NDST4: variants seen among roughly 807,000 people sequenced by gnomAD.
NDST4 encodes N-heparan sulfate sulfotransferase 4.
In NDST4, 63 loss-of-function variants were observed where a neutral mutation model predicts 100.8. That is an observed-to-expected ratio of 0.62 (90% confidence interval 0.51 to 0.77). The LOEUF is 0.77. Ranked by LOEUF, NDST4 falls within the 30% of genes least tolerant of loss-of-function variation. The pLI is 0.00. For synonymous variants in NDST4, 377 were observed against 361.8 expected (o/e 1.04, Z -0.48); for missense variants, 943 against 1,018.4 (o/e 0.93, Z 1.01).
In NDST4 at chr4:115,043,319, G is replaced by T. The variant is rs531862638; in HGVS notation, c.978+32740C>A. On this transcript the variant is annotated intron_variant, in intron 2 of 13. Transcript: ENST00000264363. ...ATAAGCTAAGGTATCCAAGTTTGGA[G>T]GATGATGTACATTTTAAGTTATCAC... 1.8e-4 allele frequency among the ~76,000 whole-genome samples: 28 copies of T among 152,142 alleles called. No homozygotes were observed. In the South Asian group the frequency reaches 5.2e-3, roughly 28 times the overall value.
chr4:115,101,813 T>C (rs1329300163), intron 1 of NDST4, among the ~76,000 whole-genome samples: 3 of 152,098 alleles, frequency 2.0e-5, no homozygotes, highest in Non-Finnish European at 4.4e-5. Flanking sequence ...GAATATATGC[T>C]TATTAGCAGG....
At chr4:115,035,919 C>G (rs566848805) in intron 2 of NDST4, among the ~76,000 whole-genome samples, 35 of 151,836 alleles carry the variant, frequency 2.3e-4, no homozygotes, top group Non-Finnish European at 4.9e-4. Flanking sequence ...AATGTCATTA[C>G]CAGTAAAAAT....
At chr4:114,908,726 C>G (rs1725003535) in intron 6 of NDST4, among the ~76,000 whole-genome samples, 1 of 152,152 alleles carries the variant, frequency 6.6e-6, no homozygotes, top group Non-Finnish European at 1.5e-5. Flanking sequence ...AACGTGTTAG[C>G]ACACATATAT....
Position 114,954,755 on chromosome 4 carries a change from G to A in NDST4, c.1221+15675C>T, listed in dbSNP as rs368085617. Among the ~76,000 whole-genome samples, 41 of 152,250 alleles carry A rather than the reference G, an allele frequency of 2.7e-4. No homozygotes were observed. In the South Asian group the frequency reaches 7.9e-3, roughly 29 times the overall value. On this transcript the variant is annotated intron_variant, in intron 4 of 13. Transcript: ENST00000264363. ...TGCATGTTGAATTGTAATCTCCAGC[G>A]TTGGAGATGAAGCCTGGTAGGAGGT...
At chr4:115,086,563 C>T (rs534620144) in intron 1 of NDST4, among the ~76,000 whole-genome samples, 45 of 152,020 alleles carry the variant, frequency 3.0e-4, no homozygotes, top group African/African-American at 1.1e-3. Flanking sequence ...ACATTACTAC[C>T]ATAATATTAT....
At position 115,076,900 on chromosome 4, in the gene NDST4, G is replaced by C; in HGVS notation, c.137C>G (p.Thr46Ser). The C allele has an allele frequency of 6.2e-7, 1 of 1,613,732 alleles. No individual in the cohort carries two copies. The highest frequency in any genetic ancestry group is 8.5e-7 in the Non-Finnish European group (1 of 1,179,848). Residue 46 changes from threonine (T) to serine (S), a missense_variant, in exon 2 of 14, where the codon ACC (threonine) becomes AGC (serine). Physicochemically the swap from Thr to Ser is moderately conservative, Grantham distance 58. Transcript: ENST00000264363. ...GTCAGTGCATTCTGCTTCTGCAGTG[G>C]TTTCAATAAGTGTCATTTCCTGTTT... ...GYKQEMTLIE[T>S]TAEAECTDIK...
At chr4:114,913,829 T>C (rs948402951) in intron 6 of NDST4, among the ~76,000 whole-genome samples, 10 of 151,886 alleles carry the variant, frequency 6.6e-5, no homozygotes, top group Non-Finnish European at 1.0e-4. Flanking sequence ...GGAATGCATT[T>C]AATTTATATA....
chr4:115,064,332 C>T (rs1728886724), intron 2 of NDST4, among the ~76,000 whole-genome samples: 1 of 151,948 alleles, frequency 6.6e-6, no homozygotes. Flanking sequence ...TTCAATCGAT[C>T]ATAATTTCTA....
chr4:114,870,082 G>C (rs1157066665), intron 7 of NDST4, among the ~76,000 whole-genome samples: 2 of 152,076 alleles, frequency 1.3e-5, no homozygotes, highest in Non-Finnish European at 2.9e-5. Flanking sequence ...GTAATCTGAT[G>C]CATAAAGAGG....
intron 1 of NDST4, among the ~76,000 whole-genome samples, chr4:115,104,266 A>G (rs1209131871): frequency 1.3e-5 from 2 of 152,138 alleles, no homozygotes; most frequent in Non-Finnish European, 2.9e-5. Flanking sequence ...AGTAATTTAA[A>G]GTAGCTTATT....
At chr4:115,097,293 C>A (rs182582167) in intron 1 of NDST4, among the ~76,000 whole-genome samples, 3 of 152,158 alleles carry the variant, frequency 2.0e-5, no homozygotes, top group Admixed American at 2.0e-4. Context: ...ACTTGGAAAT[C>A]TAATGGGCAT....
intron 2 of NDST4, among the ~76,000 whole-genome samples, chr4:114,986,832 A>ATATATATATATAT: frequency 1.1e-5 from 1 of 94,664 alleles, no homozygotes; most frequent in Non-Finnish European, 2.2e-5. Flanking sequence ...ATATATATAT[A>ATATATATATATAT]TTTTAATATA....
intron 2 of NDST4, among the ~76,000 whole-genome samples, chr4:114,991,254 G>C (rs1048091366): frequency 6.6e-6 from 1 of 151,996 alleles, no homozygotes; most frequent in Non-Finnish European, 1.5e-5. Flanking sequence ...ATGTGCCTAA[G>C]ACTTTGTAAA....
chr4:114,834,535 A>AT (rs1355536952), intron 11 of NDST4, among the ~76,000 whole-genome samples: 1 of 146,618 alleles, frequency 6.8e-6, no homozygotes, highest in Non-Finnish European at 1.5e-5. Context: ...AAAAAAAAAA[A>AT]GGAATACTGG....
chr4:115,008,991 C>A (rs1727481993), intron 2 of NDST4, among the ~76,000 whole-genome samples: 1 of 126,562 alleles, frequency 7.9e-6, no homozygotes, highest in African/African-American at 3.0e-5. Flanking sequence ...CATGAAGGAC[C>A]TCTTCAAGGA....
chr4:114,895,172 C>T (rs2126207669), intron 6 of NDST4, among the ~76,000 whole-genome samples: 1 of 151,772 alleles, frequency 6.6e-6, no homozygotes, highest in East Asian at 1.9e-4. Context: ...CTTGAAAAAC[C>T]ATCCAAGAAA....
At chr4:114,828,171 G>C (rs975629530) in intron 13 of NDST4, among the ~76,000 whole-genome samples, 2 of 151,862 alleles carry the variant, frequency 1.3e-5, no homozygotes, top group African/African-American at 4.8e-5. Context: ...CTGTCATTAC[G>C]GCACATATTT....
chr4:114,898,186 G>A (rs1224348527), intron 6 of NDST4, among the ~76,000 whole-genome samples: 1 of 151,976 alleles, frequency 6.6e-6, no homozygotes, highest in Non-Finnish European at 1.5e-5. Flanking sequence ...TATAGTTTTA[G>A]GTCTTAAATT....
At chr4:114,889,894 G>A (rs982659208) in intron 6 of NDST4, among the ~76,000 whole-genome samples, 1 of 152,106 alleles carries the variant, frequency 6.6e-6, no homozygotes, top group African/African-American at 2.4e-5. Context: ...TCTCTGCTGT[G>A]AGCAGGAAAG....
Sources: gnomAD v4.1 joint callset for allele counts (sites outside exome capture counted in the v4.1 genomes callset) on GRCh38, gnomAD v4.1.1 for gene constraint, MANE v1.5 for transcripts, NCBI Gene and HGNC (gene_info 2026-07-23, HGNC 2026-07-21) for gene names.